The following CLYBL variants were observed in gnomAD, a reference collection of about 807,000 sequenced individuals.
CLYBL encodes the protein citramalyl-CoA lyase, mitochondrial.
CLYBL carries 31 observed loss-of-function variants against 38.9 expected under a neutral mutation model. That is an observed-to-expected ratio of 0.80 (90% CI 0.60 to 1.08). The LOEUF (loss-of-function observed/expected upper bound fraction) is 1.08, where lower values mean the gene tolerates loss of function less well. Among genes scored for constraint, CLYBL ranks in the 50% least tolerant of loss-of-function variants. CLYBL has a pLI of 0.00. For missense variants in CLYBL, 434 were observed against 411.6 expected, an observed-to-expected ratio of 1.05 and a Z score of -0.47; for synonymous variants, 171 against 158.6, an observed-to-expected ratio of 1.08 and a Z score of -0.59.
At chr13:99,866,637 CTT>C (rs61652863) in intron 6 of CLYBL, among the ~76,000 whole-genome samples, 1 of 143,964 alleles carries the variant, frequency 6.9e-6, no homozygotes, top group Non-Finnish European at 1.5e-5. Flanking sequence ...ATATTAGTTG[CTT>C]TTTTTTTTTT....
At chr13:99,626,341 G>T (rs1259176432) in intron 1 of CLYBL, among the ~76,000 whole-genome samples, 2 of 152,224 alleles carry the variant, frequency 1.3e-5, no homozygotes, top group Admixed American at 1.3e-4. Context: ...GAGCGGGGGA[G>T]GTTGAGGCCA....
chr13:99,656,803 T>C (rs960456046), intron 1 of CLYBL, among the ~76,000 whole-genome samples: 4 of 152,362 alleles, frequency 2.6e-5, no homozygotes, highest in Middle Eastern at 3.4e-3. Context: ...AATCATTTTC[T>C]GTTGTTAGAG....
At chr13:99,730,963 G>A (rs2048578861) in intron 1 of CLYBL, among the ~76,000 whole-genome samples, 2 of 151,816 alleles carry the variant, frequency 1.3e-5, no homozygotes, top group Non-Finnish European at 2.9e-5. Context: ...GATGCCTGTA[G>A]TCCCAGCAAC....
rs753799588 is a variant in CLYBL, at chr13:99,858,942, G to C, written c.331G>C (p.Val111Leu). ...TGAAAAATGTGTGAGAGTCAACTCA[G>C]TTTCCAGTGGTCTGGCGGAAGAAGA... ...PTEKCVRVNS[V>L]SSGLAEEDLE... Residue 111 changes from valine to leucine, a missense_variant, in exon 3 of 9, where the codon GTT (valine) becomes CTT (leucine). Val to Leu is a conservative substitution (Grantham distance 32). Coordinates refer to ENST00000339105, the MANE Select transcript of CLYBL (RefSeq NM_206808.5). 6.2e-7 allele frequency: 1 copy of C among 1,614,082 alleles called. No homozygotes were observed. The highest frequency in any genetic ancestry group is 1.1e-5 in the South Asian group (1 of 91,076).
At chr13:99,614,254 G>A (rs2046673314) in intron 1 of CLYBL, among the ~76,000 whole-genome samples, 1 of 152,132 alleles carries the variant, frequency 6.6e-6, no homozygotes, top group East Asian at 1.9e-4. Context: ...TTCTGGAATG[G>A]CCTCCATTCT....
At chr13:99,781,877 C>T (rs564302783) in intron 2 of CLYBL, among the ~76,000 whole-genome samples, 21 of 152,218 alleles carry the variant, frequency 1.4e-4, no homozygotes, top group Non-Finnish European at 2.5e-4. Context: ...TTACTAAGCA[C>T]GCTTAACAAT....
intron 1 of CLYBL, among the ~76,000 whole-genome samples, chr13:99,760,787 ACAGT>A (rs34073523): frequency 0.2 from 30,181 of 152,100 alleles, 3,181 homozygotes; most frequent in South Asian, 0.24. Flanking sequence ...ATAATTTAAT[ACAGT>A]CATATAATTT....
intron 2 of CLYBL, among the ~76,000 whole-genome samples, chr13:99,831,142 A>G (rs1484857757): frequency 6.6e-6 from 1 of 152,230 alleles, no homozygotes; most frequent in Non-Finnish European, 1.5e-5. Flanking sequence ...CAGGAGCTGC[A>G]GGAGGCAAGG....
At chr13:99,692,502 C>T (rs1393607938) in intron 1 of CLYBL, among the ~76,000 whole-genome samples, 1 of 152,016 alleles carries the variant, frequency 6.6e-6, no homozygotes, top group Non-Finnish European at 1.5e-5. Context: ...CCATGTTAGC[C>T]AGGATGGTCT....
chr13:99,719,792 G>A (rs1189182053), intron 1 of CLYBL, among the ~76,000 whole-genome samples: 1 of 152,200 alleles, frequency 6.6e-6, no homozygotes, highest in African/African-American at 2.4e-5. Context: ...ACAGGCATGA[G>A]CCACTGCACC....
At chr13:99,630,192 AT>A (rs2046923795) in intron 1 of CLYBL, among the ~76,000 whole-genome samples, 1 of 152,238 alleles carries the variant, frequency 6.6e-6, no homozygotes, top group Non-Finnish European at 1.5e-5. Context: ...AGCTTGGAGC[AT>A]TTCTTGTTTA....
In CLYBL at chr13:99,691,808, G is replaced by A. The variant is rs187986261; in HGVS notation, c.63-81016G>A. Among the ~76,000 whole-genome samples, 175 of 152,244 alleles carry A rather than the reference G, an allele frequency of 1.1e-3. 1 individual carries two copies. The highest frequency in any genetic ancestry group is 3.0e-3 in the African/African-American group (126 of 41,540). On this transcript the variant is annotated intron_variant, in intron 1 of 8. Coordinates refer to ENST00000339105, the MANE Select transcript of CLYBL (RefSeq NM_206808.5). ...TTCTAGGGATACAGAGATAAAAGGCGTAGTCACTGCCTCCAAATCATCACA... is the reference window on the plus strand; with the variant it reads ...TTCTAGGGATACAGAGATAAAAGGCATAGTCACTGCCTCCAAATCATCACA...
In CLYBL at chr13:99,866,284, CAA is replaced by C; in HGVS notation, c.682_683del (p.Lys228AspfsTer19). 1 of 1,613,954 alleles carries C rather than the reference CAA, an allele frequency of 6.2e-7. No individual in the cohort carries two copies. Among genetic ancestry groups the C allele is most frequent in the Non-Finnish European group, 8.5e-7 (1 of 1,179,994 alleles). On this transcript the variant is annotated frameshift_variant, in exon 6 of 9. Transcript: ENST00000339105. LOFTEE classifies it high-confidence loss of function. The stretch of plus-strand genomic sequence containing the variant: ...AACCCTGGATATTCTCTACGCCCGG[CAA>C]AAGATTGTTGTCATAGCGAAAGCCT... ...KETLDILYAR[Q>X]KIVVIAKAFG...
downstream of CLYBL, among the ~76,000 whole-genome samples, chr13:99,897,950 AAAG>A (rs2052601683): frequency 6.8e-6 from 1 of 147,978 alleles, no homozygotes. Context: ...CAAAAAAAAG[AAAG>A]AAAGAAAGAA....
intron 2 of CLYBL, among the ~76,000 whole-genome samples, chr13:99,781,449 C>T (rs1327726487): frequency 6.6e-6 from 1 of 151,716 alleles, no homozygotes; most frequent in South Asian, 2.1e-4. Flanking sequence ...GGATTACAGG[C>T]ATAAGCCACT....
At chr13:99,734,423 G>A (rs1306257995) in intron 1 of CLYBL, among the ~76,000 whole-genome samples, 2 of 151,942 alleles carry the variant, frequency 1.3e-5, no homozygotes, top group Non-Finnish European at 2.9e-5. Context: ...AAACAAAACG[G>A]AGGAGAATGT....
chr13:99,682,629 C>T (rs1164035866), intron 1 of CLYBL, among the ~76,000 whole-genome samples: 18 of 152,148 alleles, frequency 1.2e-4, no homozygotes, highest in Admixed American at 1.2e-3. Context: ...TAGGACATTA[C>T]TGTCACTACT....
In CLYBL at chr13:99,865,070, T is replaced by C; in HGVS notation, c.634+159T>C. 1 of 680,266 alleles carries C rather than the reference T, an allele frequency of 1.5e-6. No individual in the cohort carries two copies. The highest frequency in any genetic ancestry group is 2.8e-6 in the Non-Finnish European group (1 of 363,498). 42.1% of individuals were successfully genotyped at this position (680,266 alleles called of 1,614,324 possible). ...TGACAATGGAATGGACACTACTTCC[T>C]GATAATTTAGGGCTCCTCATAGCTG... On this transcript the variant is annotated intron_variant, in intron 5 of 8. Coordinates refer to ENST00000339105, the MANE Select transcript of CLYBL (RefSeq NM_206808.5). The surrounding 1 kb of genome is among the most constrained non-coding windows in gnomAD (Gnocchi z 4.7).
chr13:99,779,287 C>T (rs963402543), intron 2 of CLYBL, among the ~76,000 whole-genome samples: 5 of 152,000 alleles, frequency 3.3e-5, no homozygotes, highest in African/African-American at 9.7e-5. Context: ...GGATTACAGG[C>T]GCCTGCCACC....
Sources: allele counts gnomAD v4.1 joint callset (sites outside exome capture counted in the v4.1 genomes callset), GRCh38; gene constraint gnomAD v4.1.1; non-coding constraint Gnocchi (gnomAD v3.1); transcripts MANE v1.5; gene names NCBI Gene and HGNC (gene_info 2026-07-23, HGNC 2026-07-21).